DTNB: variants seen among roughly 807,000 people sequenced by gnomAD.
DTNB encodes dystrobrevin beta, also known as DTN-B.
A neutral mutation model predicts 90.7 loss-of-function variants in DTNB; 63 were observed. The observed-to-expected ratio is 0.69, with a 90% CI of 0.57 to 0.86. The LOEUF (loss-of-function observed/expected upper bound fraction) is 0.86. Among genes scored for constraint, DTNB ranks in the 40% least tolerant of loss-of-function variants. DTNB has a pLI of 0.00. For synonymous variants in DTNB, 277 were observed against 286.7 expected, an observed-to-expected ratio of 0.97 and a Z score of 0.34; for missense variants, 744 against 807.1, an observed-to-expected ratio of 0.92 and a Z score of 0.95.
chr2:25,578,436 A>T (rs1276762203), intron 7 of DTNB, among the ~76,000 whole-genome samples: 2 of 152,264 alleles, frequency 1.3e-5, no homozygotes, highest in Non-Finnish European at 2.9e-5. Context: ...ACATCTGTGC[A>T]GCCAATATTT....
intron 2 of DTNB, among the ~76,000 whole-genome samples, chr2:25,643,015 A>C (rs2078676485): frequency 6.6e-6 from 1 of 152,168 alleles, no homozygotes; most frequent in African/African-American, 2.4e-5. Context: ...CAGCCTCGCA[A>C]AGTGCTGGGA....
intron 8 of DTNB, among the ~76,000 whole-genome samples, chr2:25,565,544 C>T (rs533624876): frequency 2.6e-4 from 40 of 152,226 alleles, no homozygotes; most frequent in Non-Finnish European, 4.4e-4. Context: ...TCTGACTGAC[C>T]ACTGTGGGTT....
chr2:25,383,656 C>A, intron 19 of DTNB, 180 bp downstream of exon 19: 1 of 1,352,838 alleles, frequency 7.4e-7, no homozygotes, highest in South Asian at 1.5e-5. Flanking sequence ...GATCGACTGA[C>A]CTTGTCACCT....
chr2:25,639,621 C>G (rs1020940235), intron 2 of DTNB, among the ~76,000 whole-genome samples: 2 of 149,974 alleles, frequency 1.3e-5, no homozygotes, highest in Non-Finnish European at 3.0e-5. Context: ...AAAAAAGCCA[C>G]AACAATATTT....
chr2:25,504,417 AAAG>A (rs1206536784), intron 9 of DTNB, among the ~76,000 whole-genome samples: 2 of 150,710 alleles, frequency 1.3e-5, no homozygotes, highest in African/African-American at 2.4e-5. Context: ...GAAAGAAAAG[AAAG>A]AAGGAAAGAA....
intron 5 of DTNB, chr2:25,598,820 C>T (rs1377780): frequency 0.51 from 77,027 of 151,612 alleles, 19,963 homozygotes; most frequent in African/African-American, 0.52. Flanking sequence ...AAGCAGGAAA[C>T]AGGGTATTGA....
chr2:25,582,899 T>C (rs2061762256), intron 6 of DTNB, among the ~76,000 whole-genome samples: 1 of 152,058 alleles, frequency 6.6e-6, no homozygotes, highest in Non-Finnish European at 1.5e-5. Flanking sequence ...GGAACAGATA[T>C]GGAAAATGCC....
intron 4 of DTNB, among the ~76,000 whole-genome samples, chr2:25,622,339 C>T (rs942618987): frequency 5.3e-5 from 8 of 152,112 alleles, no homozygotes; most frequent in African/African-American, 1.9e-4. Context: ...TAAAAATTAG[C>T]CAGGCGTGGT....
At chr2:25,534,182 T>G (rs1442621223) in intron 8 of DTNB, among the ~76,000 whole-genome samples, 1 of 152,096 alleles carries the variant, frequency 6.6e-6, no homozygotes, top group Non-Finnish European at 1.5e-5. Context: ...CCTGGGTACT[T>G]GAGATTAGGG....
intron 9 of DTNB, among the ~76,000 whole-genome samples, chr2:25,516,441 CG>C (rs1279940487): frequency 6.6e-6 from 1 of 151,862 alleles, no homozygotes; most frequent in Non-Finnish European, 1.5e-5. Context: ...TAAGTAGAGA[CG>C]GGGTTTTGCC....
Position 25,387,358 on chromosome 2 carries a change from T to G in DTNB, c.1756A>C (p.Asn586His), listed in dbSNP as rs771529859. Reference sequence around the variant, plus strand: ...GAGTCAGCTGCCACCAGCAGGTCATTGCGGAGGTTTCTCCTCGTACCTGAG... The same window carrying G: ...GAGTCAGCTGCCACCAGCAGGTCATGGCGGAGGTTTCTCCTCGTACCTGAG... ...FAQGTRRNLR[N>H]DLLVAADSIT... is the part of the protein sequence containing the mutation. The change falls in exon 18 of 21, where the codon AAT becomes CAT. Residue 586 changes from asparagine (N) to histidine (H), a missense_variant. Transcript: ENST00000406818. This position sits in a 1 kb window ranked among gnomAD's most constrained non-coding sequence, Gnocchi z 4.5. 4 of 1,612,118 alleles carry G rather than the reference T, an allele frequency of 2.5e-6. No individual in the cohort carries two copies. The African/African-American group carries it at 4.0e-5, about 16-fold the overall frequency.
At chr2:25,589,582 C>A (rs868090763) in intron 6 of DTNB, among the ~76,000 whole-genome samples, 3 of 151,794 alleles carry the variant, frequency 2.0e-5, no homozygotes, top group African/African-American at 7.2e-5. Flanking sequence ...GGTTTCACCA[C>A]GTCGGCCAGG....
intron 12 of DTNB, among the ~76,000 whole-genome samples, chr2:25,436,867 A>C (rs774256952): frequency 6.6e-6 from 1 of 152,242 alleles, no homozygotes; most frequent in Non-Finnish European, 1.5e-5. Flanking sequence ...ATTATGGGTC[A>C]GGAGGTAAGC....
intron 1 of DTNB, among the ~76,000 whole-genome samples, chr2:25,661,474 G>A (rs2083164467): frequency 6.6e-6 from 1 of 152,214 alleles, no homozygotes; most frequent in African/African-American, 2.4e-5. Flanking sequence ...CACAGTTGGG[G>A]TAGAAAACCA....
intron 8 of DTNB, among the ~76,000 whole-genome samples, chr2:25,564,831 A>G (rs1273789700): frequency 1.3e-5 from 2 of 152,242 alleles, no homozygotes; most frequent in African/African-American, 4.8e-5. Context: ...CATTGTCAAT[A>G]TAGAGAAATA....
chr2:25,599,695 A>G (rs2065435174), intron 5 of DTNB, among the ~76,000 whole-genome samples: 2 of 152,160 alleles, frequency 1.3e-5, no homozygotes. Flanking sequence ...ACAATATTTG[A>G]CCACAGTTCT....
At chr2:25,608,352 C>T (rs1007421896) in intron 4 of DTNB, among the ~76,000 whole-genome samples, 5 of 152,088 alleles carry the variant, frequency 3.3e-5, no homozygotes, top group Admixed American at 6.5e-5. Flanking sequence ...ATAGCCTATA[C>T]GCTAGAAAAT....
chr2:25,405,255 T>A (rs1171420054), intron 16 of DTNB, among the ~76,000 whole-genome samples: 1 of 152,132 alleles, frequency 6.6e-6, no homozygotes, highest in Non-Finnish European at 1.5e-5. Flanking sequence ...AAATAAAATG[T>A]TCTGGCGGGG....
At chr2:25,654,790 A>G (rs909137549) in intron 1 of DTNB, among the ~76,000 whole-genome samples, 5 of 152,220 alleles carry the variant, frequency 3.3e-5, no homozygotes, top group East Asian at 1.9e-4. Flanking sequence ...CAACACTTGG[A>G]CCCTGGAAAA....
Sources: gnomAD v4.1 joint callset for allele counts (sites outside exome capture counted in the v4.1 genomes callset) on GRCh38, gnomAD v4.1.1 for gene constraint, Gnocchi (gnomAD v3.1) non-coding constraint, MANE v1.5 for transcripts, NCBI Gene and HGNC (gene_info 2026-07-23, HGNC 2026-07-21) for gene names.